The following ST8SIA2 variants were observed in gnomAD, a reference collection of about 807,000 sequenced individuals.
ST8SIA2 encodes ST8 alpha-N-acetyl-neuraminide alpha-2,8-sialyltransferase 2, also known as alpha-2,8-sialyltransferase 8B.
Under a neutral mutation model 37.6 loss-of-function variants are expected in ST8SIA2, and 22 were observed. The ratio of observed to expected loss-of-function variants is 0.58; its 90% CI spans 0.42 to 0.83. ST8SIA2 has a LOEUF of 0.83. Among genes scored for constraint, ST8SIA2 ranks in the 40% least tolerant of loss-of-function variants. ST8SIA2 has a pLI of 0.00. For missense variants in ST8SIA2, 382 were observed against 484.7 expected, an observed-to-expected ratio of 0.79 and a Z score of 1.99; for synonymous variants, 205 against 201.2, an observed-to-expected ratio of 1.02 and a Z score of -0.16.
intron 5 of ST8SIA2, among the ~76,000 whole-genome samples, chr15:92,457,864 C>T (rs1041428887): frequency 1.3e-4 from 20 of 152,152 alleles, no homozygotes; most frequent in Admixed American, 1.2e-3. Context: ...GGATTCATTC[C>T]GGAGCCTCAT....
At chr15:92,462,236 G>T (rs749890427) in intron 5 of ST8SIA2, among the ~76,000 whole-genome samples, 30 of 152,190 alleles carry the variant, frequency 2.0e-4, no homozygotes, top group Non-Finnish European at 4.1e-4. Flanking sequence ...GGGATGGGGG[G>T]TGTGAGAATG....
At chr15:92,410,404 T>G (rs1285496007) in intron 1 of ST8SIA2, among the ~76,000 whole-genome samples, 2 of 152,208 alleles carry the variant, frequency 1.3e-5, no homozygotes, top group African/African-American at 4.8e-5. Flanking sequence ...GCATTTGACA[T>G]TTTCACATCT....
chr15:92,427,280 A>G (rs942927306), intron 1 of ST8SIA2, among the ~76,000 whole-genome samples: 1 of 144,046 alleles, frequency 6.9e-6, no homozygotes, highest in African/African-American at 2.7e-5. Flanking sequence ...AAAAAAAAAA[A>G]GCAAAGATTA....
At chr15:92,413,951 G>T (rs1596232909) in intron 1 of ST8SIA2, among the ~76,000 whole-genome samples, 1 of 152,210 alleles carries the variant, frequency 6.6e-6, no homozygotes, top group African/African-American at 2.4e-5. Context: ...CAGACCCTGG[G>T]GGCTAATAGG....
chr15:92,418,311 A>T (rs938908889), intron 1 of ST8SIA2, among the ~76,000 whole-genome samples: 5 of 151,790 alleles, frequency 3.3e-5, no homozygotes, highest in African/African-American at 1.2e-4. Context: ...AAACAAAAAA[A>T]AAATATGGGG....
chr15:92,447,193 T>C (rs2049848519), intron 5 of ST8SIA2, among the ~76,000 whole-genome samples: 1 of 152,134 alleles, frequency 6.6e-6, no homozygotes, highest in Non-Finnish European at 1.5e-5. Context: ...GATTTGCCGG[T>C]GGATTCTATT....
At chr15:92,460,313 A>G (rs1201945981) in intron 5 of ST8SIA2, among the ~76,000 whole-genome samples, 1 of 152,228 alleles carries the variant, frequency 6.6e-6, no homozygotes, top group African/African-American at 2.4e-5. Context: ...CATGGTAGTG[A>G]GATCCAGGCA....
At chr15:92,459,800 T>C (rs1018335775) in intron 5 of ST8SIA2, among the ~76,000 whole-genome samples, 27 of 152,224 alleles carry the variant, frequency 1.8e-4, no homozygotes, top group Non-Finnish European at 7.3e-5. Context: ...GGTTTCACCA[T>C]GTTGGCCAGG....
rs60541069 is a variant in ST8SIA2 at position 92,408,038 on chromosome 15, T to G, written c.98+13876T>G. Among the ~76,000 whole-genome samples, 436 of 152,314 alleles carry G rather than the reference T, an allele frequency of 2.9e-3. 4 individuals are homozygous for G. Among genetic ancestry groups the G allele is most frequent in the African/African-American group, 1.0e-2 (415 of 41,568 alleles). The stretch of plus-strand genomic sequence containing the variant: ...CCCTGGATGGCAGCAAACTCATGAC[T>G]ACTCCTTGCAAAACTTCTCTCCAGA... On this transcript the variant is annotated intron_variant, in intron 1 of 5. Transcript: ENST00000268164.
At chr15:92,451,969 T>A (rs114959451) in intron 5 of ST8SIA2, among the ~76,000 whole-genome samples, 1 of 152,080 alleles carries the variant, frequency 6.6e-6, no homozygotes. Flanking sequence ...TTTATGAAAA[T>A]ATTAAGAAAA....
chr15:92,407,019 A>G (rs915086684), intron 1 of ST8SIA2, among the ~76,000 whole-genome samples: 1 of 151,828 alleles, frequency 6.6e-6, no homozygotes, highest in Middle Eastern at 3.2e-3. Flanking sequence ...GAAAAGAAAA[A>G]AAAAAACACT....
intron 1 of ST8SIA2, among the ~76,000 whole-genome samples, chr15:92,404,756 AC>A (rs1309413358): frequency 1.3e-5 from 2 of 150,070 alleles, no homozygotes; most frequent in African/African-American, 4.9e-5. Context: ...AATAGGTTGA[AC>A]CCGGGAGGCG....
intron 5 of ST8SIA2, 42 bp downstream of exon 5, chr15:92,444,971 G>T (rs756064135): frequency 1.9e-6 from 3 of 1,601,742 alleles, no homozygotes; most frequent in Non-Finnish European, 2.5e-6. Flanking sequence ...GTCACTAAGT[G>T]TGGGAGATTC....
intron 3 of ST8SIA2, 138 bp downstream of exon 3, chr15:92,434,513 G>A (rs1287593054): frequency 7.6e-6 from 10 of 1,314,672 alleles, no homozygotes; most frequent in African/African-American, 1.5e-5. Flanking sequence ...TCATCTGTAA[G>A]TGATCAATCG....
chr15:92,422,544 C>T (rs1458511479), intron 1 of ST8SIA2: 1 of 152,314 alleles, frequency 6.6e-6, no homozygotes, highest in Non-Finnish European at 1.5e-5. Flanking sequence ...ATGATGGAAT[C>T]TCTTCAGGAG....
At chr15:92,460,990 A>G (rs1208595258) in intron 5 of ST8SIA2, among the ~76,000 whole-genome samples, 1 of 152,150 alleles carries the variant, frequency 6.6e-6, no homozygotes, top group Non-Finnish European at 1.5e-5. Flanking sequence ...TGGGTGATAC[A>G]GAGGGAAGGG....
rs1048917621 is a variant in ST8SIA2, at chr15:92,401,720, CT to C, written c.98+7568del. Among the ~76,000 whole-genome samples the C allele has an allele frequency of 1.7e-3, 252 of 148,558 alleles. 1 individual carries two copies. Among genetic ancestry groups the C allele is most frequent in the Non-Finnish European group, 2.3e-3 (154 of 66,860 alleles). ...GCTCTGTCCAAGGGTTTCCCAGTGC[CT>C]TTTTTTTTTATTATTGAAGGAATGC... On this transcript the variant is annotated intron_variant, in intron 1 of 5. Transcript: ENST00000268164.
intron 3 of ST8SIA2, among the ~76,000 whole-genome samples, chr15:92,437,018 G>A (rs192425338): frequency 1.4e-3 from 212 of 152,304 alleles, no homozygotes; most frequent in African/African-American, 4.9e-3. Flanking sequence ...GCAGCCTACT[G>A]GAACGTACCA....
chr15:92,459,661 G>A (rs1353461015), intron 5 of ST8SIA2, among the ~76,000 whole-genome samples: 6 of 152,192 alleles, frequency 3.9e-5, no homozygotes, highest in Middle Eastern at 3.4e-3. Flanking sequence ...GGGCAATGGC[G>A]CAGTCTTGTT....
Sources: allele counts gnomAD v4.1 joint callset (sites outside exome capture counted in the v4.1 genomes callset), GRCh38; gene constraint gnomAD v4.1.1; transcripts MANE v1.5; gene names NCBI Gene and HGNC (gene_info 2026-07-23, HGNC 2026-07-21).